ZFP64: variants seen among roughly 807,000 people sequenced by gnomAD.
The protein encoded by ZFP64 is zinc finger protein 64.
A neutral mutation model predicts 51.6 loss-of-function variants in ZFP64; 14 were observed. The observed-to-expected ratio is 0.27, with a 90% CI of 0.18 to 0.42. ZFP64 has a LOEUF of 0.42. Among genes scored for constraint, ZFP64 ranks in the 10% least tolerant of loss-of-function variants. ZFP64 has a pLI of 1.00. For synonymous variants in ZFP64, 375 were observed against 361.4 expected (o/e 1.04, Z -0.43); for missense variants, 754 against 906.8 (o/e 0.83, Z 2.16).
At chr20:52,149,070 C>T (rs1980664351), downstream of ZFP64, among the ~76,000 whole-genome samples, 2 of 152,034 alleles carry the variant, frequency 1.3e-5, no homozygotes, top group Non-Finnish European at 2.9e-5. Flanking sequence ...TATGCAGAGA[C>T]GTCTCAGAAA....
At chr20:52,095,644 C>T (rs560840789) in intron 7 of ZFP64, among the ~76,000 whole-genome samples, 38 of 152,230 alleles carry the variant, frequency 2.5e-4, no homozygotes, top group Admixed American at 5.9e-4. Context: ...ACTAGGGAGG[C>T]GCGTCTGCTT....
chr20:52,098,643 C>T (rs2079018252), intron 5 of ZFP64: 7 of 1,608,076 alleles, frequency 4.4e-6, no homozygotes, highest in Non-Finnish European at 6.0e-6. Flanking sequence ...CATGCTAAGT[C>T]TTAGAATACA....
chr20:52,176,766 C>T (rs887308885), intron 2 of ZFP64, among the ~76,000 whole-genome samples: 2 of 152,130 alleles, frequency 1.3e-5, no homozygotes, highest in African/African-American at 4.8e-5. Context: ...GCCTCGGCCT[C>T]CCAAAGTGCT....
chr20:52,170,379 G>A (rs1327903962), intron 2 of ZFP64, among the ~76,000 whole-genome samples: 19 of 152,104 alleles, frequency 1.2e-4, no homozygotes, highest in Admixed American at 1.2e-3. Context: ...TTGGACCCAG[G>A]AGACAGAGGT....
At chr20:52,084,727 CGAA>C in exon 9 of ZFP64, 2 of 1,614,228 alleles carry the variant, frequency 1.2e-6, no homozygotes, top group Non-Finnish European at 1.7e-6. Flanking sequence ...TCATCCCTGA[CGAA>C]GGAGGCGCCG....
chr20:52,153,523 G>C lies in ZFP64; in HGVS notation c.764-95C>G. On this transcript the variant is annotated intron_variant, in intron 5 of 5. Coordinates refer to ENST00000216923, the MANE Select transcript of ZFP64 (RefSeq NM_018197.3). This position sits in a 1 kb window ranked among gnomAD's most constrained non-coding sequence, Gnocchi z 5.1. ...CACCAGAAAATCGCTTATACAAGGTGGGTGGGTGCAGACCTCCTAACTGCA... is the reference window on the plus strand; with the variant it reads ...CACCAGAAAATCGCTTATACAAGGTCGGTGGGTGCAGACCTCCTAACTGCA... 1 of 1,483,218 alleles carries C rather than the reference G, an allele frequency of 6.7e-7. No homozygotes were observed. Among genetic ancestry groups the C allele is most frequent in the Non-Finnish European group, 9.0e-7 (1 of 1,114,724 alleles). 91.9% of individuals were successfully genotyped at this position (1,483,218 alleles called of 1,614,324 possible). A position where few individuals can be genotyped will look rare whatever the true frequency, so the allele number is the denominator to read the frequency against.
intron 5 of ZFP64, among the ~76,000 whole-genome samples, chr20:52,120,637 T>G (rs570800409): frequency 1.3e-4 from 18 of 143,552 alleles, no homozygotes; most frequent in African/African-American, 5.2e-4. Flanking sequence ...AACTTTATCA[T>G]TTATTATATC....
intron 2 of ZFP64, among the ~76,000 whole-genome samples, chr20:52,171,161 T>C (rs753740655): frequency 6.6e-6 from 1 of 152,230 alleles, no homozygotes; most frequent in Non-Finnish European, 1.5e-5. Flanking sequence ...GCTGGATTTA[T>C]CAAGGGTATC....
At chr20:52,171,999 G>C (rs546135696) in intron 2 of ZFP64, among the ~76,000 whole-genome samples, 2 of 152,240 alleles carry the variant, frequency 1.3e-5, no homozygotes, top group South Asian at 4.1e-4. Context: ...TGCCCGCCTC[G>C]GCCTCCCAAA....
intron 5 of ZFP64, among the ~76,000 whole-genome samples, chr20:52,101,867 C>T (rs1325215867): frequency 6.7e-6 from 1 of 148,324 alleles, no homozygotes; most frequent in Non-Finnish European, 1.5e-5. Flanking sequence ...GCCTGTAATC[C>T]TAGCATTTTG....
At chr20:52,123,962 T>C (rs1408314836) in intron 5 of ZFP64, among the ~76,000 whole-genome samples, 1 of 151,948 alleles carries the variant, frequency 6.6e-6, no homozygotes, top group Non-Finnish European at 1.5e-5. Context: ...CTCCACCTCC[T>C]GGGTTCACGC....
exon 7 of ZFP64, chr20:52,097,429 T>C (rs147301694): frequency 4.9e-5 from 78 of 1,601,876 alleles, no homozygotes; most frequent in Non-Finnish European, 6.2e-5. Context: ...AGTTTTGAAG[T>C]GGCAACCTAG....
At chr20:52,183,841 A>G (rs1253905038) in intron 2 of ZFP64, among the ~76,000 whole-genome samples, 1 of 152,164 alleles carries the variant, frequency 6.6e-6, no homozygotes, top group East Asian at 1.9e-4. Flanking sequence ...GATACCTCAT[A>G]AGGGGAAAGT....
At chr20:52,138,949 A>T (rs1980117948) in intron 5 of ZFP64, among the ~76,000 whole-genome samples, 1 of 152,202 alleles carries the variant, frequency 6.6e-6, no homozygotes, top group Non-Finnish European at 1.5e-5. Context: ...CAACATCCTA[A>T]TCATGAGAGA....
At chr20:52,122,132 G>A (rs1979217855) in intron 5 of ZFP64, among the ~76,000 whole-genome samples, 1 of 152,176 alleles carries the variant, frequency 6.6e-6, no homozygotes, top group African/African-American at 2.4e-5. Context: ...AGATGTACAA[G>A]GAGATGAATG....
At chr20:52,091,580 TTCACAAATGGTTTTTCAAAAATGTCA>T (rs1332038059) in intron 7 of ZFP64, among the ~76,000 whole-genome samples, 1 of 152,190 alleles carries the variant, frequency 6.6e-6, no homozygotes, top group Non-Finnish European at 1.5e-5. Context: ...GTAACATGGC[TTCACAAATGGTTTTTCAAAAATGTCA>T]TCTTGGAAGT....
At chr20:52,103,238 C>T (rs1157219860) in intron 5 of ZFP64, among the ~76,000 whole-genome samples, 1 of 152,168 alleles carries the variant, frequency 6.6e-6, no homozygotes, top group African/African-American at 2.4e-5. Flanking sequence ...CCAGCCCCTT[C>T]GTCATTTTAC....
At chr20:52,104,519 GC>G (rs777437933) in intron 5 of ZFP64, 67 of 361,624 alleles carry the variant, frequency 1.9e-4, no homozygotes, top group Middle Eastern at 8.8e-4. Context: ...AAGGCTCACG[GC>G]CGTCCCCCGC....
At chr20:52,176,785 A>G (rs1038464444) in intron 2 of ZFP64, among the ~76,000 whole-genome samples, 4 of 152,100 alleles carry the variant, frequency 2.6e-5, no homozygotes, top group African/African-American at 9.7e-5. Context: ...CTGGGATTAC[A>G]GGCGTGAGCC....
Sources: gnomAD v4.1 joint callset for allele counts (sites outside exome capture counted in the v4.1 genomes callset) on GRCh38, gnomAD v4.1.1 for gene constraint, Gnocchi (gnomAD v3.1) non-coding constraint, MANE v1.5 for transcripts, NCBI Gene and HGNC (gene_info 2026-07-23, HGNC 2026-07-21) for gene names.